Variants in GAN observed in about 807,000 individuals in gnomAD.
GAN encodes epididymis secretory sperm binding protein.
A neutral mutation model predicts 71.3 loss-of-function variants in GAN; 48 were observed. The observed-to-expected ratio is 0.67, with a 90% CI of 0.53 to 0.86. The LOEUF is 0.86. Ranked by LOEUF, GAN falls within the 40% of genes least tolerant of loss-of-function variation. GAN has a pLI of 0.00. For synonymous variants in GAN, 386 were observed against 276.8 expected (o/e 1.39, Z -3.92); for missense variants, 928 against 770.1 (o/e 1.21, Z -2.43).
In GAN at chr16:81,314,997, T is replaced by C. The variant is rs926763559; in HGVS notation, c.-117T>C. 17 of 895,516 alleles carry C rather than the reference T, an allele frequency of 1.9e-5. No individual in the cohort carries two copies. Among genetic ancestry groups the C allele is most frequent in the Non-Finnish European group, 2.6e-5 (17 of 653,504 alleles). The allele number at this position is 895,516 out of a possible 1,614,324, so 55.5% of individuals were successfully genotyped here. A position where few individuals can be genotyped will look rare whatever the true frequency, so the allele number is the denominator to read the frequency against. On this transcript the variant is annotated 5_prime_UTR_variant, in exon 1 of 11. Coordinates refer to ENST00000648994, the MANE Select transcript of GAN (RefSeq NM_022041.4). ...GGCACGTCCCGGGGGCTCCAGCTTC[T>C]GCTCAGAGCGCGGAGAGCCGGGCCG...
Position 81,389,535 on chromosome 16 carries a change from C to A in GAN, c.*11939C>A, listed in dbSNP as rs1035228001. 3 of 152,224 alleles carry A rather than the reference C, an allele frequency of 2.0e-5. No individual in the cohort carries two copies. The highest frequency in any genetic ancestry group is 4.4e-5 in the Non-Finnish European group (3 of 68,060). 9.4% of individuals were successfully genotyped at this position (152,224 alleles called of 1,614,324 possible). ...CTCATCAGAAACGGTATCGCGGATGCTCCTCAGGTAGGCGTAGGCAGACTT... is the reference window on the plus strand; with the variant it reads ...CTCATCAGAAACGGTATCGCGGATGATCCTCAGGTAGGCGTAGGCAGACTT... On this transcript the variant is annotated 3_prime_UTR_variant, in exon 11 of 11. Coordinates refer to ENST00000648994, the MANE Select transcript of GAN (RefSeq NM_022041.4).
rs1379691961 is a variant in GAN, at chr16:81,390,105, AAGTCCTAC to A, written c.*12510_*12517del. On this transcript the variant is annotated 3_prime_UTR_variant, in exon 11 of 11. Coordinates refer to ENST00000648994, the MANE Select transcript of GAN (RefSeq NM_022041.4). The stretch of plus-strand genomic sequence containing the variant: ...GTGTGATATTATCCTATCTTTAATA[AAGTCCTAC>A]TACTGAAAAACAGGGATTTGCAATG... 1 of 152,216 alleles carries A rather than the reference AAGTCCTAC, an allele frequency of 6.6e-6. No homozygotes were observed. Among genetic ancestry groups the A allele is most frequent in the Non-Finnish European group, 1.5e-5 (1 of 68,026 alleles). The allele number at this position is 152,216 out of a possible 1,614,324, so 9.4% of individuals were successfully genotyped here. A position where few individuals can be genotyped will look rare whatever the true frequency, so the allele number is the denominator to read the frequency against.
intron 3 of GAN, among the ~76,000 whole-genome samples, chr16:81,355,427 C>G (rs370793687): frequency 6.6e-6 from 1 of 152,196 alleles, no homozygotes; most frequent in African/African-American, 2.4e-5. Flanking sequence ...CAGAGTGGCA[C>G]GATCATAGCT....
chr16:81,363,361 G>T (rs1336947720), intron 6 of GAN, among the ~76,000 whole-genome samples: 1 of 152,188 alleles, frequency 6.6e-6, no homozygotes, highest in Non-Finnish European at 1.5e-5. Flanking sequence ...AAGTGGCTTT[G>T]GCCTCTCTGG....
chr16:81,325,871 C>G (rs1476207937), intron 1 of GAN, among the ~76,000 whole-genome samples: 1 of 152,250 alleles, frequency 6.6e-6, no homozygotes, highest in African/African-American at 2.4e-5. Context: ...TAGCCCTTGA[C>G]AGCTCTGCAG....
intron 1 of GAN, among the ~76,000 whole-genome samples, chr16:81,350,771 G>A (rs1193432257): frequency 2.0e-5 from 3 of 152,026 alleles, no homozygotes; most frequent in Non-Finnish European, 4.4e-5. Context: ...TACCCACCTC[G>A]GCCTCCCAAA....
intron 1 of GAN, among the ~76,000 whole-genome samples, chr16:81,331,844 G>T (rs1462002198): frequency 1.3e-5 from 2 of 152,238 alleles, no homozygotes; most frequent in Non-Finnish European, 2.9e-5. Context: ...AGAACAAAGA[G>T]AAGGCTGGGA....
intron 3 of GAN, 43 bp from the exon 4 acceptor site, chr16:81,356,742 A>G (rs1910497371): frequency 1.5e-6 from 2 of 1,303,696 alleles, no homozygotes; most frequent in Middle Eastern, 1.9e-4. Context: ...GATGTGTTGC[A>G]TTTTCCATTG....
At position 81,380,050 on chromosome 16, in the gene GAN, A is replaced by G. The variant is rs186946070; in HGVS notation, c.*2454A>G. The G allele has an allele frequency of 1.3e-5, 2 of 152,684 alleles. No homozygotes were observed. The highest frequency in any genetic ancestry group is 6.5e-5 in the Admixed American group (1 of 15,298). 9.5% of individuals were successfully genotyped at this position (152,684 alleles called of 1,614,324 possible). ...CTAAGTGCCAAACTGTTATTTTACT[A>G]TATATAAATATTAAAATATTGTGTT... On this transcript the variant is annotated 3_prime_UTR_variant, in exon 11 of 11. Coordinates refer to ENST00000648994, the MANE Select transcript of GAN (RefSeq NM_022041.4).
chr16:81,330,143 C>T (rs1212554852), intron 1 of GAN, among the ~76,000 whole-genome samples: 1 of 152,250 alleles, frequency 6.6e-6, no homozygotes, highest in Non-Finnish European at 1.5e-5. Context: ...TGCCAGCTTT[C>T]ATCAGTTCTG....
chr16:81,367,911 A>C (rs763924823), intron 9 of GAN, among the ~76,000 whole-genome samples: 1 of 152,212 alleles, frequency 6.6e-6, no homozygotes, highest in African/African-American at 2.4e-5. Flanking sequence ...ATAACTATCG[A>C]TAGAACAAAA....
chr16:81,383,283 C>T lies in GAN; in HGVS notation c.*5687C>T, dbSNP rs564147204. 1.7e-5 allele frequency: 2 copies of T among 117,874 alleles called. No homozygotes were observed. Among genetic ancestry groups the T allele is most frequent in the Admixed American group, 1.1e-4 (1 of 8,826 alleles). The allele number at this position is 117,874 out of a possible 1,614,324, so 7.3% of individuals were successfully genotyped here. A position where few individuals can be genotyped will look rare whatever the true frequency, so the allele number is the denominator to read the frequency against. ...TTTTTTTTTTTTTGAGACGGAGTCT[C>T]GCTCTGTCGCCTAGGCTGGAGTGCA... On this transcript the variant is annotated 3_prime_UTR_variant, in exon 11 of 11. Coordinates refer to ENST00000648994, the MANE Select transcript of GAN (RefSeq NM_022041.4).
intron 1 of GAN, among the ~76,000 whole-genome samples, chr16:81,347,136 C>G (rs377405956): frequency 1.3e-5 from 2 of 152,156 alleles, no homozygotes; most frequent in East Asian, 3.8e-4. Context: ...TGTTTTCTCT[C>G]TTGACGGAGA....
intron 1 of GAN, among the ~76,000 whole-genome samples, chr16:81,323,837 C>T (rs937111397): frequency 1.3e-5 from 2 of 152,126 alleles, no homozygotes. Context: ...TGCTGCCTGC[C>T]ATTGGAGCAT....
intron 1 of GAN, among the ~76,000 whole-genome samples, chr16:81,340,384 A>C (rs895483640): frequency 2.0e-5 from 3 of 152,232 alleles, no homozygotes; most frequent in African/African-American, 7.2e-5. Flanking sequence ...TCCTTGTCCA[A>C]CACACACCTC....
chr16:81,354,583 C>T lies in GAN; in HGVS notation c.461C>T (p.Thr154Ile). The change falls in exon 3 of 11, where the codon ACA (threonine) becomes ATA (isoleucine). Residue 154 changes from threonine to isoleucine, a missense_variant. Physicochemically the swap from Thr to Ile is moderately conservative, Grantham distance 89. Transcript: ENST00000648994. Reference protein sequence around the residue: ...YCLHHVHYLATEYLETHFRDV... With the variant: ...YCLHHVHYLAIEYLETHFRDV... ...CTCCATCACGTTCATTACCTTGCCACAGAATACCTGGAGACTCATTTCCGA... is the reference window on the plus strand; with the variant it reads ...CTCCATCACGTTCATTACCTTGCCATAGAATACCTGGAGACTCATTTCCGA... 1 of 1,614,136 alleles carries T rather than the reference C, an allele frequency of 6.2e-7. No individual in the cohort carries two copies. Among genetic ancestry groups the T allele is most frequent in the Non-Finnish European group, 8.5e-7 (1 of 1,180,008 alleles).
intron 1 of GAN, among the ~76,000 whole-genome samples, chr16:81,333,242 A>T (rs889661062): frequency 2.2e-5 from 1 of 45,414 alleles, no homozygotes; most frequent in Non-Finnish European, 6.2e-5. Context: ...ACTCCATCTC[A>T]AAAAAAAAAA....
chr16:81,355,169 G>A (rs908222730), intron 3 of GAN, among the ~76,000 whole-genome samples: 2 of 152,162 alleles, frequency 1.3e-5, no homozygotes, highest in Non-Finnish European at 2.9e-5. Flanking sequence ...CGATGGCAGG[G>A]GTGGAGGGGC....
At chr16:81,355,498 G>C (rs1016803343) in intron 3 of GAN, among the ~76,000 whole-genome samples, 4 of 152,172 alleles carry the variant, frequency 2.6e-5, no homozygotes, top group African/African-American at 9.7e-5. Flanking sequence ...CGAGTAGCTA[G>C]GACCACAGGC....
Sources: gnomAD v4.1 joint callset for allele counts (sites outside exome capture counted in the v4.1 genomes callset) on GRCh38, gnomAD v4.1.1 for gene constraint, MANE v1.5 for transcripts, NCBI Gene and HGNC (gene_info 2026-07-23, HGNC 2026-07-21) for gene names.